Variants in IFT74 observed in about 807,000 individuals in gnomAD.
IFT74 encodes intraflagellar transport 74.
IFT74 carries 92 observed loss-of-function variants against 96.7 expected under a neutral mutation model. The ratio of observed to expected loss-of-function variants is 0.95; its 90% CI spans 0.80 to 1.13. The LOEUF is 1.13. Among genes scored for constraint, IFT74 ranks in the 50% most tolerant of loss-of-function variants. The pLI, the probability that IFT74 is intolerant of heterozygous loss-of-function variation, is 0.00. For missense variants in IFT74, 811 were observed against 698.2 expected (o/e 1.16, Z -1.82); for synonymous variants, 223 against 213.2 (o/e 1.05, Z -0.40).
intron 2 of IFT74, among the ~76,000 whole-genome samples, chr9:26,973,050 C>A (rs1289658832): frequency 6.6e-6 from 1 of 152,124 alleles, no homozygotes; most frequent in Admixed American, 6.6e-5. Flanking sequence ...GTAAGACTGT[C>A]CATCAATATT....
intron 19 of IFT74, among the ~76,000 whole-genome samples, chr9:27,061,677 G>GTATATATATATATATATATATATATA: frequency 7.0e-6 from 1 of 143,098 alleles, no homozygotes; most frequent in African/African-American, 2.6e-5. Context: ...ATATCCACAA[G>GTATATATATATATATATATATATATA]TATATATATA....
intron 6 of IFT74, among the ~76,000 whole-genome samples, chr9:26,988,354 A>T (rs1249909143): frequency 6.6e-6 from 1 of 152,164 alleles, no homozygotes; most frequent in African/African-American, 2.4e-5. Context: ...GTCTGTTCCA[A>T]ACCCTTATTT....
intron 11 of IFT74, among the ~76,000 whole-genome samples, chr9:27,017,728 G>A (rs1273206626): frequency 6.6e-6 from 1 of 152,110 alleles, no homozygotes; most frequent in African/African-American, 2.4e-5. Context: ...TGAAGAGAAT[G>A]GAATTAAAAT....
intron 12 of IFT74, among the ~76,000 whole-genome samples, chr9:27,027,913 G>A (rs886973907): frequency 1.3e-5 from 2 of 152,084 alleles, no homozygotes; most frequent in African/African-American, 4.8e-5. Flanking sequence ...CTATGTCTAT[G>A]TTTTCTTCTA....
chr9:27,010,408 C>G (rs987600279), intron 9 of IFT74, among the ~76,000 whole-genome samples: 3 of 152,050 alleles, frequency 2.0e-5, no homozygotes, highest in Non-Finnish European at 4.4e-5. Context: ...TTCTCTCCCC[C>G]ACACCACCCC....
intron 8 of IFT74, among the ~76,000 whole-genome samples, chr9:26,997,191 A>G (rs1011143934): frequency 1.3e-5 from 2 of 150,896 alleles, no homozygotes; most frequent in African/African-American, 2.4e-5. Flanking sequence ...CAGCCTGGGT[A>G]ATAATAACAA....
At chr9:26,962,144 G>A in intron 2 of IFT74, 57 bp downstream of exon 2, 1 of 1,574,458 alleles carries the variant, frequency 6.4e-7, no homozygotes, top group East Asian at 2.3e-5. Flanking sequence ...GACCACTTGA[G>A]TCCAGGAGAC....
At chr9:27,040,626 A>T (rs940630743) in intron 13 of IFT74, among the ~76,000 whole-genome samples, 6 of 151,684 alleles carry the variant, frequency 4.0e-5, no homozygotes, top group Admixed American at 3.9e-4. Context: ...GCTAAGAAAC[A>T]GTCTGGCTGT....
chr9:27,044,053 G>A (rs542561723), intron 13 of IFT74, among the ~76,000 whole-genome samples: 57 of 152,146 alleles, frequency 3.7e-4, no homozygotes, highest in Non-Finnish European at 6.5e-4. Context: ...AAGGTGCTTC[G>A]TAAGCTGCCT....
chr9:26,979,082 T>C (rs751452455), intron 3 of IFT74, among the ~76,000 whole-genome samples: 30 of 152,096 alleles, frequency 2.0e-4, no homozygotes, highest in Admixed American at 2.0e-4. Flanking sequence ...ATACTGCTAG[T>C]ACAAAATTAA....
intron 1 of IFT74, among the ~76,000 whole-genome samples, chr9:26,950,024 C>G (rs1302288288): frequency 6.6e-6 from 1 of 152,126 alleles, no homozygotes; most frequent in Non-Finnish European, 1.5e-5. Context: ...GAAAAGCAAG[C>G]TAATTAGGCT....
chr9:27,011,733 A>C (rs1439364863), intron 9 of IFT74, among the ~76,000 whole-genome samples, 173 bp from the exon 10 acceptor site: 2 of 151,916 alleles, frequency 1.3e-5, no homozygotes, highest in African/African-American at 2.4e-5. Context: ...AAGTGTTAAT[A>C]AATTCTAGTC....
At chr9:26,986,212 G>T (rs1827625422) in intron 6 of IFT74, among the ~76,000 whole-genome samples, 1 of 152,064 alleles carries the variant, frequency 6.6e-6, no homozygotes, top group Non-Finnish European at 1.5e-5. Context: ...CTACTTGATA[G>T]TGTTACCTTG....
chr9:26,959,417 G>A (rs1362227748), intron 1 of IFT74, among the ~76,000 whole-genome samples: 3 of 152,140 alleles, frequency 2.0e-5, no homozygotes, highest in Non-Finnish European at 4.4e-5. Flanking sequence ...CTGGATATAA[G>A]CTATTCTTAG....
intron 2 of IFT74, among the ~76,000 whole-genome samples, chr9:26,974,645 T>A (rs922129866): frequency 4.6e-5 from 7 of 152,160 alleles, no homozygotes; most frequent in African/African-American, 1.7e-4. Flanking sequence ...GGTAGGGACA[T>A]TCTGACCAGG....
Position 27,011,862 on chromosome 9 carries a change from T to G in IFT74, c.727-44T>G, listed in dbSNP as rs781632809. 3.7e-6 allele frequency: 5 copies of G among 1,355,502 alleles called. No homozygotes were observed. In the East Asian group the frequency reaches 1.3e-4, roughly 34 times the overall value. 84.0% of individuals were successfully genotyped at this position (1,355,502 alleles called of 1,614,324 possible). The stretch of plus-strand genomic sequence containing the variant: ...CTCCCCCCACTACAACAAATTATTC[T>G]TAATGTAATTTGGATTTATGTTTGC... On this transcript the variant is annotated intron_variant, in intron 9 of 19. Transcript: ENST00000380062.
At chr9:26,999,663 C>T (rs533065423) in intron 8 of IFT74, 1 of 1,608,992 alleles carries the variant, frequency 6.2e-7, no homozygotes, top group African/African-American at 1.3e-5. Context: ...GGAGAGGGGC[C>T]AAAAGAGGAT....
intron 13 of IFT74, among the ~76,000 whole-genome samples, chr9:27,039,423 G>C (rs901422301): frequency 6.6e-6 from 1 of 152,150 alleles, no homozygotes; most frequent in African/African-American, 2.4e-5. Flanking sequence ...GTGGCTGGGC[G>C]TGGTGGCTCA....
chr9:27,034,678 G>A (rs1007958961), intron 13 of IFT74, among the ~76,000 whole-genome samples: 6 of 152,226 alleles, frequency 3.9e-5, no homozygotes, highest in South Asian at 2.1e-4. Context: ...ACAGGCATGC[G>A]CCACCACACC....
Sources: allele counts gnomAD v4.1 joint callset (sites outside exome capture counted in the v4.1 genomes callset), GRCh38; gene constraint gnomAD v4.1.1; transcripts MANE v1.5; gene names NCBI Gene and HGNC (gene_info 2026-07-23, HGNC 2026-07-21).